Variants in GALNT2 observed in about 807,000 individuals in gnomAD.
GALNT2 encodes the protein polypeptide N-acetylgalactosaminyltransferase 2, also known as UDP-GalNAc:polypeptide N-acetylgalactosaminyltransferase 2.
A neutral mutation model predicts 81.4 loss-of-function variants in GALNT2; 31 were observed. The observed-to-expected ratio is 0.38, with a 90% confidence interval of 0.29 to 0.51. The LOEUF is 0.51. Ranked by LOEUF, GALNT2 falls within the 20% of genes least tolerant of loss-of-function variation. GALNT2 has a pLI of 0.87. For synonymous variants in GALNT2, 303 were observed against 287.4 expected, an observed-to-expected ratio of 1.05 and a Z score of -0.55; for missense variants, 629 against 765.7, an observed-to-expected ratio of 0.82 and a Z score of 2.11.
At chr1:230,249,426 C>T (rs1665476099) in intron 9 of GALNT2, among the ~76,000 whole-genome samples, 155 bp downstream of exon 9, 1 of 152,222 alleles carries the variant, frequency 6.6e-6, no homozygotes. Flanking sequence ...GCACCTTCCA[C>T]CAGGTCATAG....
At position 230,124,464 on chromosome 1, in the gene GALNT2, A is replaced by G. The variant is rs552332596; in HGVS notation, c.127-53754A>G. On this transcript the variant is annotated intron_variant, in intron 1 of 15. Transcript: ENST00000366672. ...GTTACTAAAAAGCAAGGAAAATATAATTGAGTTCTCCCTAAATCTACCTGT... is the reference window on the plus strand; with the variant it reads ...GTTACTAAAAAGCAAGGAAAATATAGTTGAGTTCTCCCTAAATCTACCTGT... Among the ~76,000 whole-genome samples the G allele has an allele frequency of 1.2e-4, 19 of 152,324 alleles. No individual in the cohort carries two copies. In the South Asian group the frequency reaches 3.7e-3, roughly 30 times the overall value.
At chr1:230,234,883 T>C (rs1297622249) in intron 3 of GALNT2, among the ~76,000 whole-genome samples, 2 of 152,202 alleles carry the variant, frequency 1.3e-5, no homozygotes, top group African/African-American at 2.4e-5. Flanking sequence ...TATGATACTT[T>C]AGCATCTTCC....
chr1:230,140,218 G>A (rs533848232), intron 1 of GALNT2, among the ~76,000 whole-genome samples: 1 of 152,334 alleles, frequency 6.6e-6, no homozygotes, highest in African/African-American at 2.4e-5. Flanking sequence ...CTTGGGTTTA[G>A]GGGATGGCTC....
intron 2 of GALNT2, among the ~76,000 whole-genome samples, chr1:230,200,566 T>C (rs1329116946): frequency 6.6e-6 from 1 of 152,200 alleles, no homozygotes; most frequent in African/African-American, 2.4e-5. Context: ...AACCCTGTGC[T>C]GTGATGGTCT....
intron 14 of GALNT2, among the ~76,000 whole-genome samples, chr1:230,267,585 C>T (rs1234995146): frequency 1.3e-5 from 2 of 152,238 alleles, no homozygotes; most frequent in East Asian, 3.8e-4. Context: ...CAGCTATAGC[C>T]TGAGGGACCA....
intron 11 of GALNT2, among the ~76,000 whole-genome samples, chr1:230,256,202 G>A (rs1344701835): frequency 6.6e-6 from 1 of 152,192 alleles, no homozygotes; most frequent in Non-Finnish European, 1.5e-5. Flanking sequence ...GTTGCGGGAG[G>A]CCGAGATGGG....
At chr1:230,139,985 A>G (rs556685108) in intron 1 of GALNT2, among the ~76,000 whole-genome samples, 4 of 152,366 alleles carry the variant, frequency 2.6e-5, no homozygotes, top group African/African-American at 9.6e-5. Context: ...AAGATGAATC[A>G]GCCCAGCCTT....
At chr1:230,172,115 A>G (rs893983465) in intron 1 of GALNT2, among the ~76,000 whole-genome samples, 7 of 152,370 alleles carry the variant, frequency 4.6e-5, no homozygotes, top group African/African-American at 1.4e-4. Context: ...ACATGGTGAC[A>G]TGGTTCATTA....
intron 1 of GALNT2, among the ~76,000 whole-genome samples, chr1:230,152,708 A>C (rs570396315): frequency 6.6e-6 from 1 of 152,238 alleles, no homozygotes; most frequent in East Asian, 1.9e-4. Context: ...TCCTTCTCCT[A>C]CACAGACTCG....
In GALNT2 at chr1:230,275,434, C is replaced by CAT. The variant is rs981136000; in HGVS notation, c.1560+878_1560+879dup. On this transcript the variant is annotated intron_variant, in intron 15 of 15. Transcript: ENST00000366672. The surrounding 1 kb of genome is among the most constrained non-coding windows in gnomAD (Gnocchi z 5.5). ...GTAAACACCACATATATACACACCA[C>CAT]ATATATATACACGCCACATATATAC... Among the ~76,000 whole-genome samples the CAT allele has an allele frequency of 2.0e-5, 3 of 150,828 alleles. No individual in the cohort carries two copies. The highest frequency in any genetic ancestry group is 2.0e-4 in the East Asian group (1 of 5,120).
intron 1 of GALNT2, among the ~76,000 whole-genome samples, chr1:230,172,192 C>T (rs1662815014): frequency 6.6e-6 from 1 of 152,186 alleles, no homozygotes; most frequent in Non-Finnish European, 1.5e-5. Flanking sequence ...TAAAAGGCAT[C>T]ACCGTGTTTC....
At chr1:230,174,348 C>T (rs10158821) in intron 1 of GALNT2, among the ~76,000 whole-genome samples, 6,255 of 152,298 alleles carry the variant, frequency 0.041, 332 homozygotes, top group African/African-American at 0.12. Flanking sequence ...TGAGTGGTCT[C>T]CCTCCTGCTC....
At chr1:230,264,202 A>G (rs1280088410) in intron 13 of GALNT2, 1 of 152,330 alleles carries the variant, frequency 6.6e-6, no homozygotes, top group Non-Finnish European at 1.5e-5. Context: ...ATGTGCACTC[A>G]ACCCAAAAGA....
At chr1:230,071,465 G>A (rs1659372942) in intron 1 of GALNT2, among the ~76,000 whole-genome samples, 2 of 152,166 alleles carry the variant, frequency 1.3e-5, no homozygotes. Flanking sequence ...GTCCCTGAAC[G>A]AGGGGTTCCT....
chr1:230,152,621 G>T (rs1483780074), intron 1 of GALNT2, among the ~76,000 whole-genome samples: 1 of 152,128 alleles, frequency 6.6e-6, no homozygotes, highest in Admixed American at 6.5e-5. Context: ...ATGGGTTTTG[G>T]CAAAAAAGTT....
intron 1 of GALNT2, among the ~76,000 whole-genome samples, chr1:230,096,231 T>C (rs1660251852): frequency 6.6e-6 from 1 of 152,214 alleles, no homozygotes. Flanking sequence ...GGTGGACAAT[T>C]TTTCCTTTTA....
chr1:230,154,556 A>C (rs1662189806), intron 1 of GALNT2, among the ~76,000 whole-genome samples: 1 of 152,196 alleles, frequency 6.6e-6, no homozygotes, highest in Non-Finnish European at 1.5e-5. Flanking sequence ...TGGAGATAAG[A>C]TCTTTATAGA....
At chr1:230,104,483 C>T (rs368827346) in intron 1 of GALNT2, among the ~76,000 whole-genome samples, 40 of 152,196 alleles carry the variant, frequency 2.6e-4, no homozygotes, top group African/African-American at 8.7e-4. Flanking sequence ...CTTTAAAAGC[C>T]GTGCCTTGTT....
chr1:230,272,408 T>C (rs1389491675), intron 14 of GALNT2, among the ~76,000 whole-genome samples: 1 of 152,158 alleles, frequency 6.6e-6, no homozygotes, highest in African/African-American at 2.4e-5. Context: ...CTTCAGAGCC[T>C]TTAATAGACT....
Sources: allele counts gnomAD v4.1 joint callset (sites outside exome capture counted in the v4.1 genomes callset), GRCh38; gene constraint gnomAD v4.1.1; non-coding constraint Gnocchi (gnomAD v3.1); transcripts MANE v1.5; gene names NCBI Gene and HGNC (gene_info 2026-07-23, HGNC 2026-07-21).